The following NUMB variants were observed in gnomAD, a reference collection of about 807,000 sequenced individuals.
The protein encoded by NUMB is protein numb homolog.
In NUMB, 29 loss-of-function variants were observed where a neutral mutation model predicts 59.7. The observed-to-expected ratio is 0.49, with a 90% CI of 0.36 to 0.66. The LOEUF (loss-of-function observed/expected upper bound fraction) is 0.66, where lower values mean the gene tolerates loss of function less well. NUMB is among the 30% of genes least tolerant of loss of function. The pLI, the probability that NUMB is intolerant of heterozygous loss-of-function variation, is 0.00. For synonymous variants in NUMB, 288 were observed against 288.2 expected, an observed-to-expected ratio of 1.00 and a Z score of 0.01; for missense variants, 723 against 822.0, an observed-to-expected ratio of 0.88 and a Z score of 1.47.
chr14:73,367,296 TACACAC>T (rs1196520524), intron 2 of NUMB, among the ~76,000 whole-genome samples: 16 of 121,026 alleles, frequency 1.3e-4, no homozygotes, highest in Non-Finnish European at 1.9e-4. Flanking sequence ...TATATATATA[TACACAC>T]ACACACACAC....
At chr14:73,357,133 C>T (rs1893831415) in intron 3 of NUMB, 4 of 397,446 alleles carry the variant, frequency 1.0e-5, no homozygotes, top group East Asian at 1.6e-4. Context: ...CCGGGTGTGG[C>T]GGCTCACCCC....
intron 1 of NUMB, among the ~76,000 whole-genome samples, chr14:73,435,562 C>G (rs926153964): frequency 6.6e-6 from 1 of 151,860 alleles, no homozygotes; most frequent in Non-Finnish European, 1.5e-5. Context: ...GCATGAGCCA[C>G]TGCACCCAGC....
chr14:73,410,925 T>G (rs1317586742), intron 1 of NUMB, among the ~76,000 whole-genome samples: 1 of 152,166 alleles, frequency 6.6e-6, no homozygotes, highest in Non-Finnish European at 1.5e-5. Flanking sequence ...GCTCCCAATT[T>G]TAATAGGGAA....
At chr14:73,328,796 A>G (rs1891800302) in intron 4 of NUMB, among the ~76,000 whole-genome samples, 1 of 152,208 alleles carries the variant, frequency 6.6e-6, no homozygotes, top group Non-Finnish European at 1.5e-5. Context: ...GAGAGTTAAT[A>G]ATACACTCTG....
chr14:73,405,654 G>C (rs953330369), intron 2 of NUMB, among the ~76,000 whole-genome samples: 15 of 151,976 alleles, frequency 9.9e-5, no homozygotes, highest in African/African-American at 3.1e-4. Flanking sequence ...CATCCATGGT[G>C]GGGGCAGCAG....
At chr14:73,386,508 G>A (rs1044519001) in intron 2 of NUMB, among the ~76,000 whole-genome samples, 1 of 151,972 alleles carries the variant, frequency 6.6e-6, no homozygotes, top group Non-Finnish European at 1.5e-5. Context: ...TCTAGTGGGT[G>A]TTTTGGCAAT....
intron 2 of NUMB, among the ~76,000 whole-genome samples, chr14:73,381,744 G>A (rs964249069): frequency 2.0e-5 from 3 of 152,058 alleles, no homozygotes; most frequent in Non-Finnish European, 4.4e-5. Context: ...TTACTGCAGT[G>A]ATTAAAATAT....
intron 2 of NUMB, among the ~76,000 whole-genome samples, chr14:73,394,842 T>C (rs1399308582): frequency 6.6e-6 from 1 of 152,196 alleles, no homozygotes; most frequent in Non-Finnish European, 1.5e-5. Context: ...AAAAATAACA[T>C]TTCACATTCT....
At chr14:73,407,789 T>C (rs570908794) in intron 2 of NUMB, among the ~76,000 whole-genome samples, 1 of 152,320 alleles carries the variant, frequency 6.6e-6, no homozygotes, top group South Asian at 2.1e-4. Flanking sequence ...ACATGTGATG[T>C]TTACAGAATT....
chr14:73,318,217 T>C (rs1166991057), intron 5 of NUMB, among the ~76,000 whole-genome samples: 4 of 152,184 alleles, frequency 2.6e-5, no homozygotes, highest in Non-Finnish European at 5.9e-5. Flanking sequence ...AGATTGTTAA[T>C]ATTTAATTTA....
intron 4 of NUMB, among the ~76,000 whole-genome samples, chr14:73,353,499 C>T (rs1253260188): frequency 6.6e-6 from 1 of 150,926 alleles, no homozygotes; most frequent in Non-Finnish European, 1.5e-5. Flanking sequence ...TATAAACGTA[C>T]TTAAATGCAA....
intron 1 of NUMB, among the ~76,000 whole-genome samples, chr14:73,418,258 T>C (rs978801621): frequency 6.6e-6 from 1 of 152,182 alleles, no homozygotes; most frequent in Non-Finnish European, 1.5e-5. Context: ...TATGATTCCA[T>C]GTATATAAGA....
At chr14:73,291,093 T>G (rs938115121) in intron 8 of NUMB, among the ~76,000 whole-genome samples, 3 of 151,998 alleles carry the variant, frequency 2.0e-5, no homozygotes, top group Non-Finnish European at 4.4e-5. Flanking sequence ...TTTGTTTTTT[T>G]TTTTTGAGAT....
At chr14:73,352,459 TACACACACACAC>T (rs60134093) in intron 4 of NUMB, among the ~76,000 whole-genome samples, 3 of 19,502 alleles carry the variant, frequency 1.5e-4, no homozygotes, top group Non-Finnish European at 2.6e-4. Flanking sequence ...CACACACACA[TACACACACACAC>T]ACACACATAT....
At chr14:73,434,559 G>C (rs1219391015) in intron 1 of NUMB, among the ~76,000 whole-genome samples, 1 of 152,100 alleles carries the variant, frequency 6.6e-6, no homozygotes, top group African/African-American at 2.4e-5. Flanking sequence ...TTCAATCAGT[G>C]AATCAAATTC....
At chr14:73,401,671 G>A (rs571882351) in intron 2 of NUMB, among the ~76,000 whole-genome samples, 2 of 146,814 alleles carry the variant, frequency 1.4e-5, no homozygotes, top group African/African-American at 2.6e-5. Flanking sequence ...CCAGGTTCAA[G>A]TCATTCTCCT....
intron 12 of NUMB, among the ~76,000 whole-genome samples, chr14:73,278,721 C>CT (rs35813203): frequency 0.031 from 1,803 of 58,006 alleles, 59 homozygotes; most frequent in East Asian, 0.052. Flanking sequence ...GCCCTGGAAT[C>CT]TTTTTTTTTT....
rs55831976 is a variant in NUMB at position 73,390,638 on chromosome 14, CTTTTTTTTTTTTTTT to C, written c.-101+19284_-101+19298del. Among the ~76,000 whole-genome samples the C allele has an allele frequency of 4.6e-3, 181 of 39,422 alleles. 2 individuals carry two copies. Among genetic ancestry groups the C allele is most frequent in the African/African-American group, 0.014 (148 of 10,908 alleles). 25.9% of individuals were successfully genotyped at this position (39,422 alleles called of 152,430 possible). A position where few individuals can be genotyped will look rare whatever the true frequency, so the allele number is the denominator to read the frequency against. On this transcript the variant is annotated intron_variant, in intron 2 of 12. Coordinates refer to ENST00000555238, the MANE Select transcript of NUMB (RefSeq NM_001005743.2). ...ATTTCCTTGAGGACAAAAACAAAGT[CTTTTTTTTTTTTTTT>C]TTTTTTTTTTTTTTTTGAGACAGTC...
At chr14:73,394,553 C>T (rs11159016) in intron 2 of NUMB, among the ~76,000 whole-genome samples, 39,175 of 151,964 alleles carry the variant, frequency 0.26, 5,853 homozygotes, top group East Asian at 0.68. Flanking sequence ...GAACTACAGG[C>T]ACAAGTCACC....
Sources: allele counts gnomAD v4.1 joint callset (sites outside exome capture counted in the v4.1 genomes callset), GRCh38; gene constraint gnomAD v4.1.1; transcripts MANE v1.5; gene names NCBI Gene and HGNC (gene_info 2026-07-23, HGNC 2026-07-21).